LPP: variants seen among roughly 807,000 people sequenced by gnomAD.
LPP encodes the protein LIM domain containing preferred translocation partner in lipoma, also known as lipoma-preferred partner.
Under a neutral mutation model 60.4 loss-of-function variants are expected in LPP, and 38 were observed. The ratio of observed to expected loss-of-function variants is 0.63; its 90% CI spans 0.49 to 0.83. LPP has a LOEUF of 0.83. Ranked by LOEUF, LPP falls within the 40% of genes least tolerant of loss-of-function variation. The pLI is 0.00. For missense variants in LPP, 902 were observed against 783.6 expected (o/e 1.15, Z -1.80); for synonymous variants, 328 against 290.8 (o/e 1.13, Z -1.30).
At chr3:188,347,719 C>T (rs1764759223) in intron 3 of LPP, among the ~76,000 whole-genome samples, 1 of 152,202 alleles carries the variant, frequency 6.6e-6, no homozygotes, top group East Asian at 1.9e-4. Flanking sequence ...ATGACTGCCA[C>T]ATGTGTGAAG....
intron 7 of LPP, among the ~76,000 whole-genome samples, chr3:188,695,734 A>G (rs1863109308): frequency 6.6e-6 from 1 of 152,228 alleles, no homozygotes. Context: ...CGCTTTCTCC[A>G]TTATACCACA....
Position 188,882,565 on chromosome 3 carries a change from C to G in LPP, c.*8086C>G, listed in dbSNP as rs766348256. On this transcript the variant is annotated 3_prime_UTR_variant, in exon 12 of 12. Transcript: ENST00000617246. ...GAATATGAGCATTCTTATTGATCCA[C>G]AGCTACATCTTCTATTCTTGCAGCA... 1.1e-4 allele frequency: 25 copies of G among 222,312 alleles called. No homozygotes were observed. Among genetic ancestry groups the G allele is most frequent in the Non-Finnish European group, 1.9e-4 (21 of 111,332 alleles). 13.8% of individuals were successfully genotyped at this position (222,312 alleles called of 1,614,324 possible).
At chr3:188,343,665 G>A (rs1288443921) in intron 3 of LPP, among the ~76,000 whole-genome samples, 4 of 152,090 alleles carry the variant, frequency 2.6e-5, no homozygotes, top group Non-Finnish European at 5.9e-5. Flanking sequence ...AGCCCTGAAA[G>A]GTTACAAAAA....
chr3:188,318,418 C>CAAAAAAAAAAAAA (rs397946048), intron 2 of LPP, among the ~76,000 whole-genome samples: 1 of 130,170 alleles, frequency 7.7e-6, no homozygotes, highest in Non-Finnish European at 1.7e-5. Flanking sequence ...TCCAAAAAAA[C>CAAAAAAAAAAAAA]AAAAAAAAAA....
At chr3:188,309,791 T>C (rs969198163) in intron 2 of LPP, among the ~76,000 whole-genome samples, 1 of 152,166 alleles carries the variant, frequency 6.6e-6, no homozygotes, top group Admixed American at 6.5e-5. Context: ...ATTCATTTAC[T>C]GTAAGTTGAA....
chr3:188,741,246 G>C (rs758433082), intron 8 of LPP, among the ~76,000 whole-genome samples: 13 of 151,242 alleles, frequency 8.6e-5, no homozygotes, highest in African/African-American at 1.2e-4. Flanking sequence ...TTTGAATTGG[G>C]GGGGGAAGGG....
intron 9 of LPP, among the ~76,000 whole-genome samples, chr3:188,792,646 G>T (rs560381928): frequency 1.3e-5 from 2 of 152,084 alleles, no homozygotes; most frequent in African/African-American, 4.8e-5. Context: ...AAACCTGGTT[G>T]ATTGTGAGGC....
intron 2 of LPP, among the ~76,000 whole-genome samples, chr3:188,302,261 T>G (rs1750135982): frequency 6.6e-6 from 1 of 152,234 alleles, no homozygotes; most frequent in South Asian, 2.1e-4. Context: ...CTAAATGATT[T>G]GCCTAAGTTT....
At chr3:188,836,367 G>A (rs1447069872) in intron 9 of LPP, among the ~76,000 whole-genome samples, 1 of 152,204 alleles carries the variant, frequency 6.6e-6, no homozygotes, top group African/African-American at 2.4e-5. Flanking sequence ...TGCAGGTTTT[G>A]GGGCTGTTGT....
At position 188,360,194 on chromosome 3, in the gene LPP, C is replaced by T. The variant is rs180713796; in HGVS notation, c.-10+18475C>T. The stretch of plus-strand genomic sequence containing the variant: ...ACTTTGAAGGAACGCTTTTCAAACC[C>T]GGCCTGCATCGGAATTAGGAATCCC... On this transcript the variant is annotated intron_variant, in intron 3 of 11. Transcript: ENST00000617246. Among the ~76,000 whole-genome samples, 56 of 152,246 alleles carry T rather than the reference C, an allele frequency of 3.7e-4. 1 individual carries two copies. The highest frequency in any genetic ancestry group is 6.6e-4 in the Non-Finnish European group (45 of 68,028).
At chr3:188,358,708 T>TGGTGGAAGGA (rs1553874324) in intron 3 of LPP, among the ~76,000 whole-genome samples, 1 of 151,188 alleles carries the variant, frequency 6.6e-6, no homozygotes, top group Non-Finnish European at 1.5e-5. Flanking sequence ...AGAGGGTTTG[T>TGGTGGAAGGA]GGTGGAAGGA....
intron 7 of LPP, among the ~76,000 whole-genome samples, chr3:188,654,601 C>G (rs1852764093): frequency 6.6e-6 from 1 of 152,088 alleles, no homozygotes; most frequent in South Asian, 2.1e-4. Context: ...ATGACAATAT[C>G]AAATGGAGCA....
chr3:188,781,662 T>G (rs896435784), intron 9 of LPP, among the ~76,000 whole-genome samples: 5 of 150,760 alleles, frequency 3.3e-5, no homozygotes, highest in African/African-American at 1.2e-4. Context: ...GGTGGGTGGA[T>G]CACGAGGTCA....
chr3:188,325,590 A>T (rs1384466199), intron 2 of LPP, among the ~76,000 whole-genome samples: 1 of 152,046 alleles, frequency 6.6e-6, no homozygotes. Context: ...TGTTTTCTTT[A>T]TGTACATTGC....
intron 2 of LPP, among the ~76,000 whole-genome samples, chr3:188,282,508 C>T (rs971080053): frequency 2.0e-5 from 3 of 152,090 alleles, no homozygotes; most frequent in Admixed American, 2.0e-4. Flanking sequence ...GTGGGGTGCT[C>T]CTAAGAGCAG....
intron 6 of LPP, among the ~76,000 whole-genome samples, chr3:188,607,459 G>A (rs1842751487): frequency 7.2e-6 from 1 of 138,910 alleles, no homozygotes; most frequent in Non-Finnish European, 1.6e-5. Flanking sequence ...TACATCACGG[G>A]AGCTGGAAGG....
Position 188,788,902 on chromosome 3 carries a change from C to T in LPP, c.1410+28620C>T, listed in dbSNP as rs114494668. 6.9e-3 allele frequency among the ~76,000 whole-genome samples: 1,053 copies of T among 152,212 alleles called. 19 individuals are homozygous for T. Among genetic ancestry groups the T allele is most frequent in the African/African-American group, 0.024 (983 of 41,516 alleles). On this transcript the variant is annotated intron_variant, in intron 9 of 11. Coordinates refer to ENST00000617246, the MANE Select transcript of LPP (RefSeq NM_001375462.1). ...CCACATAGTATAGACCAGAATGAAT[C>T]AAGGTCTAACTTATGCTGACTGTCC...
chr3:188,600,392 T>G (rs1840893534), intron 6 of LPP, among the ~76,000 whole-genome samples: 1 of 151,284 alleles, frequency 6.6e-6, no homozygotes, highest in South Asian at 2.1e-4. Flanking sequence ...ATGTTATCAG[T>G]TGGGAATAGA....
chr3:188,691,324 CT>C (rs1862081798), intron 7 of LPP, among the ~76,000 whole-genome samples: 1 of 152,204 alleles, frequency 6.6e-6, no homozygotes, highest in Non-Finnish European at 1.5e-5. Context: ...GGAATCCAGG[CT>C]TCAGTGCCTT....
Sources: allele counts gnomAD v4.1 joint callset (sites outside exome capture counted in the v4.1 genomes callset), GRCh38; gene constraint gnomAD v4.1.1; transcripts MANE v1.5; gene names NCBI Gene and HGNC (gene_info 2026-07-23, HGNC 2026-07-21).